The following GFOD1 variants were observed in gnomAD, a reference collection of about 807,000 sequenced individuals.
The protein encoded by GFOD1 is Gfo/Idh/MocA-like oxidoreductase domain containing 1.
In GFOD1, 9 loss-of-function variants were observed where a neutral mutation model predicts 25.4. The observed-to-expected ratio is 0.35, with a 90% confidence interval of 0.21 to 0.62. GFOD1 has a LOEUF of 0.62. Ranked by LOEUF, GFOD1 falls within the 20% of genes least tolerant of loss-of-function variation. GFOD1 has a pLI of 0.72. For synonymous variants in GFOD1, 253 were observed against 245.6 expected, an observed-to-expected ratio of 1.03 and a Z score of -0.28; for missense variants, 403 against 556.9, an observed-to-expected ratio of 0.72 and a Z score of 2.78.
At chr6:13,423,536 C>T (rs1038615099) in intron 1 of GFOD1, among the ~76,000 whole-genome samples, 2 of 152,210 alleles carry the variant, frequency 1.3e-5, no homozygotes, top group Admixed American at 6.5e-5. Context: ...ACCTGTCATG[C>T]GCAAAGCTCG....
Position 13,409,088 on chromosome 6 carries a change from G to GGAAAGAAAGAAAGAAA in GFOD1, c.254-43442_254-43427dup, listed in dbSNP as rs879779509. Among the ~76,000 whole-genome samples, 110 of 36,684 alleles carry GGAAAGAAAGAAAGAAA rather than the reference G, an allele frequency of 3.0e-3. 2 individuals carry two copies. Among genetic ancestry groups the GGAAAGAAAGAAAGAAA allele is most frequent in the African/African-American group, 9.3e-3 (94 of 10,118 alleles). 24.1% of individuals were successfully genotyped at this position (36,684 alleles called of 152,430 possible). A position where few individuals can be genotyped will look rare whatever the true frequency, so the allele number is the denominator to read the frequency against. On this transcript the variant is annotated intron_variant, in intron 1 of 1. Coordinates refer to ENST00000379287, the MANE Select transcript of GFOD1 (RefSeq NM_018988.4). ...TGACAGAGTGAGACTCCATCAGAAAGGAAAGAAAGAAAGAAAGAAAGAAAG... is the reference window on the plus strand; with the variant it reads ...TGACAGAGTGAGACTCCATCAGAAAGGAAAGAAAGAAAGAAAGAAAGAAAGAAAGAAAGAAAGAAAG...
At chr6:13,377,365 C>T (rs1014436809) in intron 1 of GFOD1, among the ~76,000 whole-genome samples, 24 of 152,180 alleles carry the variant, frequency 1.6e-4, no homozygotes. Flanking sequence ...GGGTTTCACA[C>T]AATCATTCTG....
intron 1 of GFOD1, among the ~76,000 whole-genome samples, chr6:13,454,401 C>T (rs180842105): frequency 6.6e-6 from 1 of 152,354 alleles, no homozygotes; most frequent in Admixed American, 6.5e-5. Context: ...AATGCCAATA[C>T]ATAATCCTGC....
intron 1 of GFOD1, among the ~76,000 whole-genome samples, chr6:13,456,146 C>T (rs1357687685): frequency 6.6e-6 from 1 of 152,108 alleles, no homozygotes. Flanking sequence ...CTAAGAGACT[C>T]CTTTAGCTTT....
chr6:13,370,080 G>C (rs7774244), intron 1 of GFOD1, among the ~76,000 whole-genome samples: 2 of 152,254 alleles, frequency 1.3e-5, no homozygotes, highest in Non-Finnish European at 2.9e-5. Flanking sequence ...ATGGAAAAAG[G>C]GTCCTCCAAA....
chr6:13,469,900 A>G, intron 1 of GFOD1: 1 of 1,287,698 alleles, frequency 7.8e-7, no homozygotes, highest in Non-Finnish European at 1.0e-6. Context: ...GGCACATGGT[A>G]AGTACTCCAT....
chr6:13,429,759 T>C (rs572679476), intron 1 of GFOD1, among the ~76,000 whole-genome samples: 1 of 152,290 alleles, frequency 6.6e-6, no homozygotes, highest in African/African-American at 2.4e-5. Context: ...CCCTAGGTAA[T>C]AAGGGAAGTA....
At chr6:13,366,070 T>C (rs1259765432) in intron 1 of GFOD1, among the ~76,000 whole-genome samples, 1 of 151,448 alleles carries the variant, frequency 6.6e-6, no homozygotes, top group East Asian at 1.9e-4. Flanking sequence ...CACTCCAGCC[T>C]GGGGACAGCA....
At chr6:13,399,440 A>G (rs1447385009) in intron 1 of GFOD1, among the ~76,000 whole-genome samples, 1 of 152,154 alleles carries the variant, frequency 6.6e-6, no homozygotes, top group Non-Finnish European at 1.5e-5. Flanking sequence ...TGTTTGTTGC[A>G]GTTGTATTTA....
chr6:13,453,604 A>G (rs140964364), intron 1 of GFOD1, among the ~76,000 whole-genome samples: 6 of 152,248 alleles, frequency 3.9e-5, no homozygotes, highest in African/African-American at 1.4e-4. Flanking sequence ...CTATATTCCC[A>G]TAACTTTAAA....
At chr6:13,415,261 A>G (rs1408332865) in intron 1 of GFOD1, among the ~76,000 whole-genome samples, 2 of 152,184 alleles carry the variant, frequency 1.3e-5, no homozygotes, top group Non-Finnish European at 2.9e-5. Context: ...CCAGAACTTG[A>G]GCACATGGGA....
At chr6:13,448,133 C>T (rs1489803469) in intron 1 of GFOD1, among the ~76,000 whole-genome samples, 1 of 152,182 alleles carries the variant, frequency 6.6e-6, no homozygotes, top group Non-Finnish European at 1.5e-5. Context: ...CAAGCTGACG[C>T]AGCAGGGAAC....
At chr6:13,379,801 G>C (rs991525315) in intron 1 of GFOD1, among the ~76,000 whole-genome samples, 1 of 152,132 alleles carries the variant, frequency 6.6e-6, no homozygotes, top group African/African-American at 2.4e-5. Flanking sequence ...GATTGATTTG[G>C]ACATGGAGGA....
At chr6:13,420,482 T>C (rs1786237312) in intron 1 of GFOD1, among the ~76,000 whole-genome samples, 1 of 152,064 alleles carries the variant, frequency 6.6e-6, no homozygotes, top group South Asian at 2.1e-4. Context: ...CTAAGGGAAT[T>C]AGGAGCGGAA....
At chr6:13,385,824 T>C (rs981550404) in intron 1 of GFOD1, among the ~76,000 whole-genome samples, 4 of 152,246 alleles carry the variant, frequency 2.6e-5, no homozygotes, top group Non-Finnish European at 4.4e-5. Flanking sequence ...AAAGCACTTA[T>C]AGAGTACATT....
rs117708712 is a variant in GFOD1 at position 13,402,747 on chromosome 6, G to A, written c.254-37085C>T. On this transcript the variant is annotated intron_variant, in intron 1 of 1. Coordinates refer to ENST00000379287, the MANE Select transcript of GFOD1 (RefSeq NM_018988.4). ...GCTCGTAAGAATGTACAATGGTGTA[G>A]CCACTTTGAAAAGCATCCTGGCAAC... Among the ~76,000 whole-genome samples, 44 of 152,298 alleles carry A rather than the reference G, an allele frequency of 2.9e-4. No individual in the cohort carries two copies. In the East Asian group the frequency reaches 8.1e-3, roughly 28 times the overall value.
rs1786318101 is a variant in GFOD1, at chr6:13,424,566, C to T, written c.254-58904G>A. On this transcript the variant is annotated intron_variant, in intron 1 of 1. Coordinates refer to ENST00000379287, the MANE Select transcript of GFOD1 (RefSeq NM_018988.4). ...TCAGGTTTCAAAGAAGACTCCATAC[C>T]ATGTAAAGATACCCACACGCTCTTA... Among the ~76,000 whole-genome samples, 9 of 152,204 alleles carry T rather than the reference C, an allele frequency of 5.9e-5. No homozygotes were observed. The South Asian group carries it at 1.7e-3, about 28-fold the overall frequency.
chr6:13,383,220 G>C (rs138598040), intron 1 of GFOD1, among the ~76,000 whole-genome samples: 142 of 152,224 alleles, frequency 9.3e-4, no homozygotes, highest in African/African-American at 3.2e-3. Context: ...AAAGATGGGG[G>C]GTCACCCAGG....
intron 1 of GFOD1, among the ~76,000 whole-genome samples, chr6:13,465,558 C>A (rs1213798516): frequency 6.6e-6 from 1 of 152,192 alleles, no homozygotes; most frequent in African/African-American, 2.4e-5. Flanking sequence ...CATTGAGGAG[C>A]TTTAAAAAAC....
Sources: gnomAD v4.1 joint callset for allele counts (sites outside exome capture counted in the v4.1 genomes callset) on GRCh38, gnomAD v4.1.1 for gene constraint, MANE v1.5 for transcripts, NCBI Gene and HGNC (gene_info 2026-07-23, HGNC 2026-07-21) for gene names.